Variants in GRAPL observed in about 807,000 individuals in gnomAD.
GRAPL encodes GRB2 related adaptor protein like.
chr17:19,149,277 T>A (rs1431713940), intron 3 of GRAPL, among the ~76,000 whole-genome samples: 1 of 84,280 alleles, frequency 1.2e-5, no homozygotes, highest in Admixed American at 1.9e-4. Context: ...TGCAGTGAGC[T>A]GAGATCGTGC....
chr17:19,141,611 CCCCGGG>C, intron 3 of GRAPL: 1 of 145,596 alleles, frequency 6.9e-6, no homozygotes, highest in East Asian at 2.8e-4. Flanking sequence ...GACTGCCCAC[CCCCGGG>C]ATGGTGTGGG....
intron 3 of GRAPL, among the ~76,000 whole-genome samples, chr17:19,147,046 TGTGTGCGCGC>T (rs1444119747): frequency 8.0e-6 from 1 of 125,638 alleles, no homozygotes; most frequent in East Asian, 5.3e-4. Flanking sequence ...TGTGTGTGTG[TGTGTGCGCGC>T]GCGCGCGCGT....
chr17:19,147,044 TGTGTGTGC>T (rs1465430417), intron 3 of GRAPL, among the ~76,000 whole-genome samples: 4 of 125,286 alleles, frequency 3.2e-5, no homozygotes, highest in African/African-American at 1.5e-4. Context: ...TGTGTGTGTG[TGTGTGTGC>T]GCGCGCGCGC....
chr17:19,144,754 TCA>T (rs1405896664), intron 3 of GRAPL, among the ~76,000 whole-genome samples: 1 of 102,832 alleles, frequency 9.7e-6, no homozygotes, highest in African/African-American at 3.9e-5. Context: ...CCATCTGGAC[TCA>T]GATTCAGTTC....
At chr17:19,148,768 C>CG (rs2044710842) in intron 3 of GRAPL, among the ~76,000 whole-genome samples, 2 of 84,028 alleles carry the variant, frequency 2.4e-5, no homozygotes, top group African/African-American at 4.3e-5. Context: ...ATTAGCCGGG[C>CG]GCGGTGGTGG....
chr17:19,148,941 G>C (rs1277716682), intron 3 of GRAPL, among the ~76,000 whole-genome samples: 1 of 129,318 alleles, frequency 7.7e-6, no homozygotes, highest in Non-Finnish European at 1.6e-5. Flanking sequence ...AAAAAAGAAA[G>C]AGCAGGCTCT....
rs549093167 is a variant in GRAPL, at chr17:19,147,061, G to A, written c.299+8473G>A. Among the ~76,000 whole-genome samples the A allele has an allele frequency of 2.3e-4, 31 of 135,414 alleles. 1 individual carries two copies. Among genetic ancestry groups the A allele is most frequent in the Middle Eastern group, 3.6e-3 (1 of 274 alleles). The allele number at this position is 135,414 out of a possible 152,430, so 88.8% of individuals were successfully genotyped here. On this transcript the variant is annotated intron_variant, in intron 3 of 3. Coordinates refer to ENST00000344415, the MANE Select transcript of GRAPL (RefSeq NM_001129778.3). ...TGTGTGTGTGTGTGTGCGCGCGCGC[G>A]CGCGTGCATGTGTCCCATCAAGGCA...
intron 2 of GRAPL, 91 bp downstream of exon 2, chr17:19,132,830 GC>G: frequency 1.1e-5 from 2 of 190,422 alleles, no homozygotes; most frequent in African/African-American, 2.6e-4. Flanking sequence ...TCTGTCTGGG[GC>G]CCCCAGGCTC....
At chr17:19,146,968 G>A (rs1193819009) in intron 3 of GRAPL, among the ~76,000 whole-genome samples, 6 of 111,966 alleles carry the variant, frequency 5.4e-5, no homozygotes, top group Non-Finnish European at 9.9e-5. Flanking sequence ...AATGTATTGC[G>A]ACCAAATTGT....
chr17:19,146,642 CAA>C (rs768248780), intron 3 of GRAPL, among the ~76,000 whole-genome samples: 3 of 51,458 alleles, frequency 5.8e-5, no homozygotes, highest in African/African-American at 1.9e-4. Context: ...GACTCCGTCT[CAA>C]AAAAAAAAAA....
rs2044712308 is a variant in GRAPL, at chr17:19,148,858, A to C, written c.300-9461A>C. On this transcript the variant is annotated intron_variant, in intron 3 of 3. Coordinates refer to ENST00000344415, the MANE Select transcript of GRAPL (RefSeq NM_001129778.3). ...GGGAGGCGGAGCTTGCAGTGAGCCG[A>C]GATAGCGCCATTGCACTCTAGCCTG... Among the ~76,000 whole-genome samples the C allele has an allele frequency of 1.7e-5, 2 of 119,902 alleles. 1 individual carries two copies. 78.7% of individuals were successfully genotyped at this position (119,902 alleles called of 152,430 possible). A position where few individuals can be genotyped will look rare whatever the true frequency, so the allele number is the denominator to read the frequency against.
intron 3 of GRAPL, among the ~76,000 whole-genome samples, chr17:19,148,792 C>T (rs1271748002): frequency 3.4e-4 from 33 of 97,720 alleles, no homozygotes; most frequent in Middle Eastern, 0.011. Flanking sequence ...CCTGTAGTCC[C>T]AGCTACTCGG....
At position 19,149,328 on chromosome 17, in the gene GRAPL, CAAAAAAAAAA is replaced by C. The variant is rs1169593968; in HGVS notation, c.300-8972_300-8963del. On this transcript the variant is annotated intron_variant, in intron 3 of 3. Transcript: ENST00000344415. ...TGGGCAACAGAGCAAGACTCTGTCT[CAAAAAAAAAA>C]AAAAAAAAAAAAAAAAAAGATAGCA... 1.0e-3 allele frequency among the ~76,000 whole-genome samples: 13 copies of C among 12,628 alleles called. 1 individual carries two copies. The highest frequency in any genetic ancestry group is 0.071 in the East Asian group (1 of 14). 8.3% of individuals were successfully genotyped at this position (12,628 alleles called of 152,430 possible).
At chr17:19,130,338 A>G (rs2152187164) in intron 1 of GRAPL, among the ~76,000 whole-genome samples, 1 of 4,936 alleles carries the variant, frequency 2.0e-4, no homozygotes, top group South Asian at 9.3e-3. Flanking sequence ...CAATGTTCAC[A>G]GTAAGAAATC....
In GRAPL at chr17:19,130,581, AAAAAAAAAAG is replaced by A. The variant is rs895077429; in HGVS notation, c.79-2054_79-2045del. ...AGAGTGAGACTCCATCTCAAAAAGA[AAAAAAAAAAG>A]AAAAAAGAAAAAGAAATTAGCTAAT... On this transcript the variant is annotated intron_variant, in intron 1 of 3. Coordinates refer to ENST00000344415, the MANE Select transcript of GRAPL (RefSeq NM_001129778.3). Among the ~76,000 whole-genome samples, 6 of 91,668 alleles carry A rather than the reference AAAAAAAAAAG, an allele frequency of 6.5e-5. 1 individual carries two copies. Among genetic ancestry groups the A allele is most frequent in the African/African-American group, 1.2e-4 (2 of 17,314 alleles). 60.1% of individuals were successfully genotyped at this position (91,668 alleles called of 152,430 possible).
chr17:19,147,016 G>GGTGTGTGTGT (rs764286470), intron 3 of GRAPL, among the ~76,000 whole-genome samples: 185 of 98,190 alleles, frequency 1.9e-3, no homozygotes, highest in East Asian at 0.012. Flanking sequence ...GAGAGGTAGG[G>GGTGTGTGTGT]GTGTGTGTGT....
intron 3 of GRAPL, among the ~76,000 whole-genome samples, chr17:19,151,578 CTGTT>C (rs1250049504): frequency 0.013 from 163 of 12,606 alleles, no homozygotes; most frequent in South Asian, 0.061. Flanking sequence ...CTGCCTTATT[CTGTT>C]TGTTTGTTTG....
At chr17:19,149,651 C>T (rs1163591188) in intron 3 of GRAPL, among the ~76,000 whole-genome samples, 1 of 108,890 alleles carries the variant, frequency 9.2e-6, no homozygotes, top group Non-Finnish European at 1.6e-5. Flanking sequence ...ATCCCAGCTA[C>T]TCGGGAGGCT....
chr17:19,133,805 AAGCCATGTGGGG>A (rs2044654280), intron 2 of GRAPL, among the ~76,000 whole-genome samples: 1 of 86,842 alleles, frequency 1.2e-5, no homozygotes, highest in Non-Finnish European at 2.7e-5. Flanking sequence ...CCCAAATGCC[AAGCCATGTGGGG>A]AGCCATGGAG....
Sources: allele counts gnomAD v4.1 joint callset (sites outside exome capture counted in the v4.1 genomes callset), GRCh38; gene constraint gnomAD v4.1.1; transcripts MANE v1.5; gene names NCBI Gene and HGNC (gene_info 2026-07-23, HGNC 2026-07-21).